CTNNA3: variants seen among roughly 807,000 people sequenced by gnomAD.
CTNNA3 encodes catenin alpha-3.
A neutral mutation model predicts 95.7 loss-of-function variants in CTNNA3; 76 were observed. The ratio of observed to expected loss-of-function variants is 0.79; its 90% CI spans 0.66 to 0.96. The LOEUF (loss-of-function observed/expected upper bound fraction) is 0.96, where lower values mean the gene tolerates loss of function less well. CTNNA3 is among the 40% of genes least tolerant of loss of function. CTNNA3 has a pLI of 0.00. For synonymous variants in CTNNA3, 431 were observed against 374.4 expected, an observed-to-expected ratio of 1.15 and a Z score of -1.74; for missense variants, 1,191 against 1,089.8, an observed-to-expected ratio of 1.09 and a Z score of -1.31.
chr10:66,988,336 C>T lies in CTNNA3; in HGVS notation c.1047+191981G>A, dbSNP rs569218543. Among the ~76,000 whole-genome samples the T allele has an allele frequency of 1.2e-4, 18 of 152,270 alleles. No homozygotes were observed. In the East Asian group the frequency reaches 3.3e-3, roughly 28 times the overall value. On this transcript the variant is annotated intron_variant, in intron 7 of 17. Transcript: ENST00000433211. ...GCTCATTTGGAATTTACTAATTTAA[C>T]AGAGATTATGATTTTGGTAGAAATT...
chr10:67,580,045 G>A lies in CTNNA3; in HGVS notation c.292+26812C>T, dbSNP rs1842325624. Reference sequence around the variant, plus strand: ...TGGTAGTTTCTTCTGCTGTGCGGAAGCTCTTTAGTTTAATTAGATCCCATT... The same window carrying A: ...TGGTAGTTTCTTCTGCTGTGCGGAAACTCTTTAGTTTAATTAGATCCCATT... On this transcript the variant is annotated intron_variant, in intron 3 of 17. Coordinates refer to ENST00000433211, the MANE Select transcript of CTNNA3 (RefSeq NM_013266.4). Among the ~76,000 whole-genome samples the A allele has an allele frequency of 3.3e-5, 5 of 152,158 alleles. No homozygotes were observed. The South Asian group carries it at 1.0e-3, about 31-fold the overall frequency.
intron 12 of CTNNA3, among the ~76,000 whole-genome samples, chr10:66,317,463 G>C (rs1458561381): frequency 6.6e-6 from 1 of 151,952 alleles, no homozygotes; most frequent in Non-Finnish European, 1.5e-5. Flanking sequence ...CACAAGGTCA[G>C]GAGTTCAAGA....
intron 5 of CTNNA3, among the ~76,000 whole-genome samples, chr10:67,482,020 G>T (rs910831563): frequency 4.9e-4 from 74 of 152,088 alleles, no homozygotes; most frequent in Non-Finnish European, 9.3e-4. Flanking sequence ...TTTCCCCATT[G>T]CTTGTTTTTC....
At chr10:67,539,763 G>A in intron 3 of CTNNA3, 94 bp from the exon 4 acceptor site, 1 of 1,052,924 alleles carries the variant, frequency 9.5e-7, no homozygotes, top group Admixed American at 2.5e-5. Flanking sequence ...TAAATTCCAA[G>A]ACTAAGCATA....
intron 13 of CTNNA3, among the ~76,000 whole-genome samples, chr10:66,276,086 A>T (rs1482371584): frequency 1.3e-5 from 2 of 152,108 alleles, no homozygotes; most frequent in Non-Finnish European, 2.9e-5. Context: ...AATTTATCTT[A>T]TTTTTCTTTG....
At chr10:66,386,154 T>C (rs2092889177) in intron 11 of CTNNA3, among the ~76,000 whole-genome samples, 1 of 152,220 alleles carries the variant, frequency 6.6e-6, no homozygotes, top group East Asian at 1.9e-4. Flanking sequence ...GAACTCAAAT[T>C]GTCTGTGTTT....
chr10:67,549,784 T>A (rs1403809170), intron 3 of CTNNA3, among the ~76,000 whole-genome samples: 1 of 152,186 alleles, frequency 6.6e-6, no homozygotes, highest in African/African-American at 2.4e-5. Context: ...TATACATAAA[T>A]AAAGCTTTAT....
intron 7 of CTNNA3, among the ~76,000 whole-genome samples, chr10:67,027,497 T>A (rs899041160): frequency 2.7e-4 from 40 of 149,934 alleles, no homozygotes; most frequent in African/African-American, 9.8e-4. Flanking sequence ...TGCAGTGGTG[T>A]GATCTCGGCT....
intron 10 of CTNNA3, among the ~76,000 whole-genome samples, chr10:66,577,484 T>C (rs1843042958): frequency 6.6e-6 from 1 of 152,098 alleles, no homozygotes; most frequent in Non-Finnish European, 1.5e-5. Context: ...TTTTAACCCA[T>C]CTTGAGTTAA....
intron 7 of CTNNA3, among the ~76,000 whole-genome samples, chr10:66,922,374 A>T (rs762309741): frequency 3.3e-5 from 5 of 152,242 alleles, no homozygotes; most frequent in Non-Finnish European, 7.3e-5. Flanking sequence ...AAAAGTATAC[A>T]GGCAAATTAC....
chr10:66,125,494 G>T (rs565041496), intron 13 of CTNNA3, among the ~76,000 whole-genome samples: 1 of 151,988 alleles, frequency 6.6e-6, no homozygotes, highest in South Asian at 2.1e-4. Flanking sequence ...AAACAAAATA[G>T]AAACCATATG....
At chr10:66,209,531 G>A (rs138060756) in intron 13 of CTNNA3, among the ~76,000 whole-genome samples, 73 of 152,158 alleles carry the variant, frequency 4.8e-4, no homozygotes, top group African/African-American at 1.6e-3. Flanking sequence ...CCAAAGCCCC[G>A]AGGCAGGATC....
intron 15 of CTNNA3, among the ~76,000 whole-genome samples, chr10:66,026,934 T>C (rs1182874730): frequency 2.0e-5 from 3 of 152,138 alleles, no homozygotes; most frequent in Non-Finnish European, 4.4e-5. Flanking sequence ...TTAGCATTTC[T>C]AGGGGTTATT....
At chr10:66,351,277 T>C (rs1375144832) in intron 12 of CTNNA3, among the ~76,000 whole-genome samples, 1 of 152,046 alleles carries the variant, frequency 6.6e-6, no homozygotes, top group Non-Finnish European at 1.5e-5. Context: ...TTTCATTCAA[T>C]ATGTAGAAGG....
At chr10:65,935,335 G>A (rs2077319209) in intron 17 of CTNNA3, among the ~76,000 whole-genome samples, 1 of 152,054 alleles carries the variant, frequency 6.6e-6, no homozygotes, top group Non-Finnish European at 1.5e-5. Context: ...GAGATAATTT[G>A]CACTAACTTG....
At chr10:66,075,090 G>T (rs1214696777) in intron 14 of CTNNA3, among the ~76,000 whole-genome samples, 1 of 151,646 alleles carries the variant, frequency 6.6e-6, no homozygotes, top group Non-Finnish European at 1.5e-5. Context: ...TTCAAACTCA[G>T]GTCCTTATTA....
At chr10:67,608,633 A>G (rs1843355091) in intron 2 of CTNNA3, among the ~76,000 whole-genome samples, 1 of 152,164 alleles carries the variant, frequency 6.6e-6, no homozygotes, top group African/African-American at 2.4e-5. Flanking sequence ...ATATATATAA[A>G]TTTTATTCGC....
intron 5 of CTNNA3, among the ~76,000 whole-genome samples, chr10:67,382,398 G>C (rs1205267029): frequency 6.6e-6 from 1 of 151,636 alleles, no homozygotes; most frequent in Non-Finnish European, 1.5e-5. Context: ...AAACAGTGTA[G>C]GATAAATACA....
chr10:66,260,554 A>C (rs1003257033), intron 13 of CTNNA3, among the ~76,000 whole-genome samples: 2 of 151,852 alleles, frequency 1.3e-5, no homozygotes, highest in African/African-American at 4.8e-5. Flanking sequence ...TTTTTCAGTA[A>C]ACCTTCAGAG....
Sources: allele counts gnomAD v4.1 joint callset (sites outside exome capture counted in the v4.1 genomes callset), GRCh38; gene constraint gnomAD v4.1.1; transcripts MANE v1.5; gene names NCBI Gene and HGNC (gene_info 2026-07-23, HGNC 2026-07-21).